The following CASQ2 variants were observed in gnomAD, a reference collection of about 807,000 sequenced individuals.
CASQ2 encodes calsequestrin 2, also known as calsequestrin-2.
In CASQ2, 49 loss-of-function variants were observed where a neutral mutation model predicts 46.5. The observed-to-expected ratio is 1.05, with a 90% CI of 0.84 to 1.34. CASQ2 has a LOEUF of 1.34. CASQ2 is among the 40% of genes most tolerant of loss of function. CASQ2 has a pLI of 0.00. For missense variants in CASQ2, 486 were observed against 481.3 expected (o/e 1.01, Z -0.09); for synonymous variants, 174 against 168.5 (o/e 1.03, Z -0.25).
At chr1:115,730,232 T>C (rs1647738896) in intron 5 of CASQ2, among the ~76,000 whole-genome samples, 1 of 152,206 alleles carries the variant, frequency 6.6e-6, no homozygotes, top group Non-Finnish European at 1.5e-5. Flanking sequence ...TAAAAGCTTG[T>C]TGGAGGATAC....
chr1:115,713,077 C>T (rs769727153), intron 8 of CASQ2, among the ~76,000 whole-genome samples: 1 of 151,954 alleles, frequency 6.6e-6, no homozygotes, highest in Non-Finnish European at 1.5e-5. Flanking sequence ...CAGACAGCAG[C>T]CTTTCCTTGC....
Position 115,702,930 on chromosome 1 carries a change from A to G in CASQ2, c.1005T>C (p.Asn335=), listed in dbSNP as rs28730712. 6,387 of 1,613,282 alleles carry G rather than the reference A, an allele frequency of 4.0e-3. 189 individuals are homozygous for G. In the African/African-American group the frequency reaches 0.067, roughly 17 times the overall value. The stretch of plus-strand genomic sequence containing the variant: ...CACAGGGGATACTCACATCTGTGAC[A>G]TTCACCACCCCAATCTGTGGCCTGA... ...DLFRPQIGVV[N]VTDADSVWME... The change falls in exon 10 of 11, where the codon AAT becomes AAC. Residue 335 remains asparagine, a synonymous_variant. Coordinates refer to ENST00000261448, the MANE Select transcript of CASQ2 (RefSeq NM_001232.4).
At chr1:115,726,958 C>G in intron 6 of CASQ2, 34 bp downstream of exon 6, 1 of 1,384,610 alleles carries the variant, frequency 7.2e-7, no homozygotes, top group Non-Finnish European at 1.0e-6. Context: ...CCCCAGACCC[C>G]AGGCCCCCAG....
chr1:115,740,773 A>C lies in CASQ2; in HGVS notation c.375T>G (p.Phe125Leu). The C allele has an allele frequency of 6.2e-7, 1 of 1,613,924 alleles. No individual in the cohort carries two copies. The highest frequency in any genetic ancestry group is 8.5e-7 in the Non-Finnish European group (1 of 1,179,848). Residue 125 changes from phenylalanine (F) to leucine (L), a missense_variant, in exon 3 of 11, where the codon TTT becomes TTG. By Grantham distance (22) the Phe-to-Leu change is conservative (BLOSUM62 0). Transcript: ENST00000261448. ...YILKGDRTIEFDGEFAADVLV... is the reference protein window; with the variant it reads ...YILKGDRTIELDGEFAADVLV... ...AGACATCAGCTGCAAACTCGCCATC[A>C]AACTCTATTGTGCGATCACCCTTAA... is the stretch of plus-strand genomic sequence containing the variant.
chr1:115,702,466 G>A (rs189583193), intron 10 of CASQ2, among the ~76,000 whole-genome samples: 3 of 152,300 alleles, frequency 2.0e-5, no homozygotes, highest in South Asian at 2.1e-4. Context: ...CCCCTTACTC[G>A]CATATGATTT....
chr1:115,740,187 T>C (rs1165278221), intron 3 of CASQ2, among the ~76,000 whole-genome samples: 1 of 152,256 alleles, frequency 6.6e-6, no homozygotes, highest in Non-Finnish European at 1.5e-5. Flanking sequence ...AGTGTGAGTT[T>C]ATCTATGGAT....
intron 8 of CASQ2, among the ~76,000 whole-genome samples, chr1:115,709,021 G>T (rs952713535): frequency 6.6e-6 from 1 of 152,200 alleles, no homozygotes; most frequent in African/African-American, 2.4e-5. Context: ...GCATTAGCTT[G>T]TGTGGATATT....
At chr1:115,708,873 C>G (rs770997835) in intron 8 of CASQ2, among the ~76,000 whole-genome samples, 1 of 152,186 alleles carries the variant, frequency 6.6e-6, no homozygotes, top group Non-Finnish European at 1.5e-5. Flanking sequence ...AAGTGTACAG[C>G]GTGGGGCAGC....
At chr1:115,728,834 G>A (rs953690257) in intron 5 of CASQ2, among the ~76,000 whole-genome samples, 8 of 152,210 alleles carry the variant, frequency 5.3e-5, no homozygotes, top group African/African-American at 1.9e-4. Flanking sequence ...AAACCCGCCT[G>A]GTGGTGGTGA....
intron 9 of CASQ2, among the ~76,000 whole-genome samples, chr1:115,704,543 A>G (rs1654302756): frequency 6.6e-6 from 1 of 152,248 alleles, no homozygotes; most frequent in Admixed American, 6.5e-5. Flanking sequence ...TATCAGTACC[A>G]GTACTTATTA....
chr1:115,726,904 C>G (rs891298418), intron 6 of CASQ2, 88 bp downstream of exon 6: 5 of 1,092,512 alleles, frequency 4.6e-6, no homozygotes, highest in Non-Finnish European at 6.8e-6. Context: ...GGTTGTTGCT[C>G]TTGGCAGGTC....
chr1:115,745,229 A>C (rs1227013093), intron 1 of CASQ2, among the ~76,000 whole-genome samples: 1 of 152,248 alleles, frequency 6.6e-6, no homozygotes, highest in Non-Finnish European at 1.5e-5. Flanking sequence ...AAGAAGAATC[A>C]GGAAGGAAGC....
intron 4 of CASQ2, among the ~76,000 whole-genome samples, chr1:115,733,462 A>G (rs1301651200): frequency 1.3e-5 from 2 of 152,036 alleles, no homozygotes; most frequent in Non-Finnish European, 2.9e-5. Flanking sequence ...TCATGGAAGT[A>G]CTCCTGTTGC....
intron 5 of CASQ2, chr1:115,732,321 T>C (rs891412330): frequency 6.5e-6 from 1 of 153,410 alleles, no homozygotes; most frequent in Non-Finnish European, 1.5e-5. Context: ...GTTTAGATTA[T>C]GTTACTTGGA....
intron 1 of CASQ2, among the ~76,000 whole-genome samples, chr1:115,750,391 C>T (rs1403166828): frequency 6.6e-6 from 1 of 152,174 alleles, no homozygotes; most frequent in East Asian, 1.9e-4. Flanking sequence ...TATATGCAGC[C>T]TCTGGGCATT....
At chr1:115,720,439 G>T (rs1454133530) in intron 7 of CASQ2, among the ~76,000 whole-genome samples, 1 of 152,046 alleles carries the variant, frequency 6.6e-6, no homozygotes, top group African/African-American at 2.4e-5. Flanking sequence ...TTACCTTGGG[G>T]GCTATGATTC....
chr1:115,736,992 T>C (rs1647985765), intron 4 of CASQ2, among the ~76,000 whole-genome samples: 1 of 152,182 alleles, frequency 6.6e-6, no homozygotes, highest in African/African-American at 2.4e-5. Flanking sequence ...GTGTGCTCTT[T>C]ATCCTAACCT....
chr1:115,727,811 G>T (rs1375125204), intron 5 of CASQ2, among the ~76,000 whole-genome samples: 1 of 152,206 alleles, frequency 6.6e-6, no homozygotes, highest in Non-Finnish European at 1.5e-5. Flanking sequence ...CAGTAAGCCA[G>T]GATGATTTGC....
intron 1 of CASQ2, among the ~76,000 whole-genome samples, chr1:115,755,938 C>T (rs566603594): frequency 5.8e-4 from 89 of 152,324 alleles, no homozygotes; most frequent in African/African-American, 2.1e-3. Flanking sequence ...CAGCTAGGTG[C>T]TACTGCCAAT....
Sources: gnomAD v4.1 joint callset for allele counts (sites outside exome capture counted in the v4.1 genomes callset) on GRCh38, gnomAD v4.1.1 for gene constraint, MANE v1.5 for transcripts, NCBI Gene and HGNC (gene_info 2026-07-23, HGNC 2026-07-21) for gene names.